ZC2HC1B: variants seen among roughly 807,000 people sequenced by gnomAD.
ZC2HC1B encodes the protein zinc finger C2HC-type containing 1B, also known as zinc finger C2HC domain-containing protein 1B.
A neutral mutation model predicts 31.0 loss-of-function variants in ZC2HC1B; 36 were observed. The observed-to-expected ratio is 1.16, with a 90% CI of 0.89 to 1.54. The LOEUF (loss-of-function observed/expected upper bound fraction) is 1.54, where lower values mean the gene tolerates loss of function less well. Among genes scored for constraint, ZC2HC1B ranks in the 40% most tolerant of loss-of-function variants. The pLI is 0.00. For synonymous variants in ZC2HC1B, 73 were observed against 88.0 expected, an observed-to-expected ratio of 0.83 and a Z score of 0.95; for missense variants, 260 against 268.6, an observed-to-expected ratio of 0.97 and a Z score of 0.22.
Position 143,918,001 on chromosome 6 carries a change from G to A in ZC2HC1B, c.598+14849G>A, listed in dbSNP as rs1777938426. Among the ~76,000 whole-genome samples, 1 of 152,166 alleles carries A rather than the reference G, an allele frequency of 6.6e-6. No homozygotes were observed. The highest frequency in any genetic ancestry group is 1.5e-5 in the Non-Finnish European group (1 of 68,028). Reference sequence around the variant, plus strand: ...AGTACTAGCTTTTATAATTGTCCATGCATTTACCTTTATTGAGATTTTGAT... The same window carrying A: ...AGTACTAGCTTTTATAATTGTCCATACATTTACCTTTATTGAGATTTTGAT... On this transcript the variant is annotated intron_variant, in intron 6 of 7. Coordinates refer to ENST00000237275, the MANE Select transcript of ZC2HC1B (RefSeq NM_001013623.3). This position sits in a 1 kb window ranked among gnomAD's most constrained non-coding sequence, Gnocchi z 4.1.
chr6:143,889,562 G>C lies in ZC2HC1B; in HGVS notation c.349+2741G>C, dbSNP rs1469815900. 2.0e-5 allele frequency among the ~76,000 whole-genome samples: 3 copies of C among 152,172 alleles called. No individual in the cohort carries two copies. The East Asian group carries it at 5.8e-4, about 29-fold the overall frequency. Reference sequence around the variant, plus strand: ...TTAATATAGCACAAAGTTAACTGCAGGGCAAGTATTAACAGATGATGATTC... The same window carrying C: ...TTAATATAGCACAAAGTTAACTGCACGGCAAGTATTAACAGATGATGATTC... On this transcript the variant is annotated intron_variant, in intron 4 of 7. Transcript: ENST00000237275.
rs1192195127 is a variant in ZC2HC1B, at chr6:143,870,989, A to G, written c.28+6422A>G. On this transcript the variant is annotated intron_variant, in intron 1 of 7. Transcript: ENST00000237275. This position sits in a 1 kb window ranked among gnomAD's most constrained non-coding sequence, Gnocchi z 4.7. ...CCGGATTAACACACCCACATGAGAAATGTGTTGCCTCCAAAATCCAAATAG... is the reference window on the plus strand; with the variant it reads ...CCGGATTAACACACCCACATGAGAAGTGTGTTGCCTCCAAAATCCAAATAG... 6.6e-6 allele frequency among the ~76,000 whole-genome samples: 1 copy of G among 151,972 alleles called. No individual in the cohort carries two copies. The highest frequency in any genetic ancestry group is 1.5e-5 in the Non-Finnish European group (1 of 68,008).
Position 143,934,040 on chromosome 6 carries a change from G to C in ZC2HC1B, c.599-3609G>C, listed in dbSNP as rs1222845382. On this transcript the variant is annotated intron_variant, in intron 6 of 7. Transcript: ENST00000237275. The surrounding 1 kb of genome is among the most constrained non-coding windows in gnomAD (Gnocchi z 4.6). ...GAGAATGGGACTGCCTACAAGGCTT[G>C]TCCCACTGCTGCTTCTACTTTTACA... Among the ~76,000 whole-genome samples the C allele has an allele frequency of 6.6e-6, 1 of 152,192 alleles. No individual in the cohort carries two copies. Among genetic ancestry groups the C allele is most frequent in the Non-Finnish European group, 1.5e-5 (1 of 68,034 alleles).
intron 1 of ZC2HC1B, among the ~76,000 whole-genome samples, chr6:143,874,595 A>T (rs1051487065): frequency 6.6e-6 from 1 of 152,192 alleles, no homozygotes; most frequent in African/African-American, 2.4e-5. Context: ...CATTTCTTAC[A>T]TGGTGGCAGC....
chr6:143,865,577 C>G lies in ZC2HC1B; in HGVS notation c.28+1010C>G. Among the ~76,000 whole-genome samples the G allele has an allele frequency of 1.3e-5, 2 of 152,292 alleles. No individual in the cohort carries two copies. Among genetic ancestry groups the G allele is most frequent in the Admixed American group, 1.3e-4 (2 of 15,304 alleles). On this transcript the variant is annotated intron_variant, in intron 1 of 7. Coordinates refer to ENST00000237275, the MANE Select transcript of ZC2HC1B (RefSeq NM_001013623.3). This position sits in a 1 kb window ranked among gnomAD's most constrained non-coding sequence, Gnocchi z 4.4. The stretch of plus-strand genomic sequence containing the variant: ...AGAGGACTGTTTTTCAGTCTCCTCT[C>G]GCAGGACAAACCCTGAAGGCACAGT...
chr6:143,864,763 TCTTGACTGAAGAG>T (rs1227079208), intron 1 of ZC2HC1B, among the ~76,000 whole-genome samples, 196 bp downstream of exon 1: 1 of 152,162 alleles, frequency 6.6e-6, no homozygotes, highest in Non-Finnish European at 1.5e-5. Context: ...TAGAAAAAAA[TCTTGACTGAAGAG>T]CTTGTCATTG....
chr6:143,891,130 CA>C (rs537109022), intron 4 of ZC2HC1B, among the ~76,000 whole-genome samples: 7,712 of 77,756 alleles, frequency 0.099, 237 homozygotes, highest in Admixed American at 0.16. Flanking sequence ...GACTCCATCT[CA>C]AAAAAAAAAA....
chr6:143,887,606 T>C lies in ZC2HC1B; in HGVS notation c.349+785T>C, dbSNP rs1290220582. Among the ~76,000 whole-genome samples the C allele has an allele frequency of 1.3e-5, 2 of 152,146 alleles. No individual in the cohort carries two copies. The highest frequency in any genetic ancestry group is 2.9e-5 in the Non-Finnish European group (2 of 68,024). ...TTTACATATTACCTTTTGTTATCTC[T>C]TCGGTCTTTATTAAATCTTGAACAA... On this transcript the variant is annotated intron_variant, in intron 4 of 7. Transcript: ENST00000237275. The surrounding 1 kb of genome is among the most constrained non-coding windows in gnomAD (Gnocchi z 5.1).
rs1382176867 is a variant in ZC2HC1B, at chr6:143,877,276, T to C, written c.29-7028T>C. On this transcript the variant is annotated intron_variant, in intron 1 of 7. Transcript: ENST00000237275. ...TCCTAAAGATTTTTTTAATTTCTTT[T>C]TTTTTTTTTTTTTTTTTTTTTTTGA... Among the ~76,000 whole-genome samples the C allele has an allele frequency of 1.2e-4, 14 of 113,436 alleles. 1 individual carries two copies. Among genetic ancestry groups the C allele is most frequent in the Non-Finnish European group, 2.1e-4 (11 of 52,528 alleles). 74.4% of individuals were successfully genotyped at this position (113,436 alleles called of 152,430 possible). A position where few individuals can be genotyped will look rare whatever the true frequency, so the allele number is the denominator to read the frequency against.
intron 6 of ZC2HC1B, among the ~76,000 whole-genome samples, chr6:143,936,686 T>A (rs1294251157): frequency 6.6e-6 from 1 of 152,246 alleles, no homozygotes; most frequent in Non-Finnish European, 1.5e-5. Context: ...AGTTCTGGGA[T>A]CTAGACCTGC....
At chr6:143,920,180 A>G (rs1309584328) in intron 6 of ZC2HC1B, among the ~76,000 whole-genome samples, 1 of 152,118 alleles carries the variant, frequency 6.6e-6, no homozygotes, top group East Asian at 1.9e-4. Flanking sequence ...GGAGAAAAAA[A>G]CACTCCTTTA....
In ZC2HC1B at chr6:143,918,853, G is replaced by C. The variant is rs1777950971; in HGVS notation, c.598+15701G>C. Among the ~76,000 whole-genome samples the C allele has an allele frequency of 1.3e-5, 2 of 151,992 alleles. No homozygotes were observed. The highest frequency in any genetic ancestry group is 2.9e-5 in the Non-Finnish European group (2 of 67,986). ...TGTATTCTTGAATCCTACTAGTAAA[G>C]TTTTCATTTCATTTATTCTATTTTT... is the stretch of plus-strand genomic sequence containing the variant. On this transcript the variant is annotated intron_variant, in intron 6 of 7. Transcript: ENST00000237275. The surrounding 1 kb of genome is among the most constrained non-coding windows in gnomAD (Gnocchi z 4.1).
chr6:143,915,139 T>C lies in ZC2HC1B; in HGVS notation c.598+11987T>C, dbSNP rs1173039367. Among the ~76,000 whole-genome samples, 1 of 152,222 alleles carries C rather than the reference T, an allele frequency of 6.6e-6. No individual in the cohort carries two copies. The highest frequency in any genetic ancestry group is 2.4e-5 in the African/African-American group (1 of 41,456). On this transcript the variant is annotated intron_variant, in intron 6 of 7. Transcript: ENST00000237275. This position sits in a 1 kb window ranked among gnomAD's most constrained non-coding sequence, Gnocchi z 5.2. The stretch of plus-strand genomic sequence containing the variant: ...TTTCATCTTGAATTCCCACGTGTTG[T>C]GGGAGGGACCCAGTGGGAAGTAATT...
chr6:143,896,068 G>A lies in ZC2HC1B; in HGVS notation c.350-2484G>A, dbSNP rs74800037. 7.7e-3 allele frequency among the ~76,000 whole-genome samples: 1,178 copies of A among 152,328 alleles called. 12 individuals are homozygous for A. Among genetic ancestry groups the A allele is most frequent in the African/African-American group, 0.027 (1,123 of 41,574 alleles). On this transcript the variant is annotated intron_variant, in intron 4 of 7. Transcript: ENST00000237275. ...AGAAATCAGCAACCTTGAATGCTCA[G>A]CCACAGGACTCTCTCCTGCCTGCTC... is the stretch of plus-strand genomic sequence containing the variant.
intron 6 of ZC2HC1B, among the ~76,000 whole-genome samples, chr6:143,907,233 A>G (rs948883548): frequency 3.9e-5 from 6 of 152,230 alleles, no homozygotes; most frequent in Admixed American, 3.3e-4. Context: ...ATAGTGCTGC[A>G]ATGAAAATAC....
chr6:143,913,417 G>T lies in ZC2HC1B; in HGVS notation c.598+10265G>T, dbSNP rs1777883629. 6.6e-6 allele frequency among the ~76,000 whole-genome samples: 1 copy of T among 152,216 alleles called. No individual in the cohort carries two copies. The highest frequency in any genetic ancestry group is 1.5e-5 in the Non-Finnish European group (1 of 68,038). ...TGAGGCTCCATCCTGTCTCAGGCAG[G>T]CTCCGCCCTGTTGCTGATGGCTTAC... is the stretch of plus-strand genomic sequence containing the variant. On this transcript the variant is annotated intron_variant, in intron 6 of 7. Transcript: ENST00000237275. The surrounding 1 kb of genome is among the most constrained non-coding windows in gnomAD (Gnocchi z 5.7).
In ZC2HC1B at chr6:143,913,788, G is replaced by C. The variant is rs1777888192; in HGVS notation, c.598+10636G>C. ...TAATTGCTTCCCTTGGCTGGGGGTG[G>C]GTGTTTCCTTGGCTCCATGTCACTC... On this transcript the variant is annotated intron_variant, in intron 6 of 7. Coordinates refer to ENST00000237275, the MANE Select transcript of ZC2HC1B (RefSeq NM_001013623.3). The surrounding 1 kb of genome is among the most constrained non-coding windows in gnomAD (Gnocchi z 5.7). Among the ~76,000 whole-genome samples, 1 of 152,154 alleles carries C rather than the reference G, an allele frequency of 6.6e-6. No homozygotes were observed.
intron 5 of ZC2HC1B, among the ~76,000 whole-genome samples, chr6:143,900,426 G>C (rs1244649561): frequency 6.6e-6 from 1 of 151,618 alleles, no homozygotes; most frequent in Non-Finnish European, 1.5e-5. Context: ...AGAAAAAAGA[G>C]GTACAGGGAC....
intron 6 of ZC2HC1B, among the ~76,000 whole-genome samples, chr6:143,909,171 A>G (rs1405304140): frequency 6.6e-6 from 1 of 152,130 alleles, no homozygotes; most frequent in Non-Finnish European, 1.5e-5. Flanking sequence ...TTGGTTTGCC[A>G]GTATTTTGTT....
Sources: gnomAD v4.1 joint callset for allele counts (sites outside exome capture counted in the v4.1 genomes callset) on GRCh38, gnomAD v4.1.1 for gene constraint, Gnocchi (gnomAD v3.1) non-coding constraint, MANE v1.5 for transcripts, NCBI Gene and HGNC (gene_info 2026-07-23, HGNC 2026-07-21) for gene names.